TBC1D5: variants seen among roughly 807,000 people sequenced by gnomAD.
TBC1D5 encodes the protein TBC1 domain family, member 5.
TBC1D5 carries 75 observed loss-of-function variants against 100.3 expected under a neutral mutation model. That is an observed-to-expected ratio of 0.75 (90% CI 0.62 to 0.91). The LOEUF (loss-of-function observed/expected upper bound fraction) is 0.91. Ranked by LOEUF, TBC1D5 falls within the 40% of genes least tolerant of loss-of-function variation. TBC1D5 has a pLI of 0.00. For synonymous variants in TBC1D5, 323 were observed against 325.6 expected (o/e 0.99, Z 0.09); for missense variants, 910 against 942.4 (o/e 0.97, Z 0.45).
chr3:17,318,767 G>T (rs1399697861), intron 13 of TBC1D5, among the ~76,000 whole-genome samples: 2 of 152,170 alleles, frequency 1.3e-5, no homozygotes, highest in Non-Finnish European at 2.9e-5. Flanking sequence ...TTAACATGGA[G>T]AATCACAGGA....
intron 16 of TBC1D5, among the ~76,000 whole-genome samples, chr3:17,255,128 G>A (rs1316716965): frequency 2.0e-5 from 3 of 152,176 alleles, no homozygotes; most frequent in African/African-American, 4.8e-5. Flanking sequence ...GTGTGGGGTT[G>A]GGGCTGTTCC....
chr3:17,541,162 A>G (rs1435731340), intron 2 of TBC1D5, among the ~76,000 whole-genome samples: 9 of 150,822 alleles, frequency 6.0e-5, no homozygotes, highest in Non-Finnish European at 1.2e-4. Flanking sequence ...TTCAGTTTCC[A>G]TATGAATTTA....
intron 1 of TBC1D5, among the ~76,000 whole-genome samples, chr3:17,738,409 T>C (rs2077137913): frequency 6.6e-6 from 1 of 151,990 alleles, no homozygotes; most frequent in African/African-American, 2.4e-5. Flanking sequence ...ACACTCTCTC[T>C]CTCTCTCTAA....
chr3:17,623,018 T>A (rs1440741748), intron 2 of TBC1D5, among the ~76,000 whole-genome samples: 2 of 152,174 alleles, frequency 1.3e-5, no homozygotes. Context: ...GGGCCCCCAA[T>A]AAAATTCTGG....
At chr3:17,606,449 A>C (rs770404738) in intron 2 of TBC1D5, among the ~76,000 whole-genome samples, 33 of 152,238 alleles carry the variant, frequency 2.2e-4, no homozygotes, top group Non-Finnish European at 4.0e-4. Context: ...CCCGTCCAAA[A>C]AAAGAAAGTA....
chr3:17,446,037 A>G (rs2094785426), intron 3 of TBC1D5, among the ~76,000 whole-genome samples: 1 of 152,192 alleles, frequency 6.6e-6, no homozygotes, highest in East Asian at 1.9e-4. Flanking sequence ...TTTGGGTCTT[A>G]GTCATTGCTT....
At chr3:17,529,175 A>C (rs2096181845) in intron 2 of TBC1D5, among the ~76,000 whole-genome samples, 1 of 151,134 alleles carries the variant, frequency 6.6e-6, no homozygotes, top group Non-Finnish European at 1.5e-5. Flanking sequence ...AAGAGAATCT[A>C]CAAGCCCCTG....
chr3:17,401,862 C>G (rs2093659693), intron 8 of TBC1D5, among the ~76,000 whole-genome samples: 1 of 152,122 alleles, frequency 6.6e-6, no homozygotes, highest in Non-Finnish European at 1.5e-5. Flanking sequence ...TATATACTTA[C>G]TGAGGCAACT....
chr3:17,681,447 T>C (rs1416938369), intron 1 of TBC1D5, among the ~76,000 whole-genome samples: 2 of 151,702 alleles, frequency 1.3e-5, no homozygotes, highest in Non-Finnish European at 2.9e-5. Flanking sequence ...CCATGTCAGA[T>C]AAATACATAT....
At chr3:17,388,780 T>C (rs890274719) in intron 8 of TBC1D5, among the ~76,000 whole-genome samples, 2 of 151,952 alleles carry the variant, frequency 1.3e-5, no homozygotes, top group Non-Finnish European at 2.9e-5. Flanking sequence ...GGAGGATCAC[T>C]TGAGCCTCGG....
chr3:17,721,276 GCTGTTATC>G (rs968807118), intron 1 of TBC1D5, among the ~76,000 whole-genome samples: 2 of 152,146 alleles, frequency 1.3e-5, no homozygotes, highest in Admixed American at 6.5e-5. Flanking sequence ...TTCTCTGATG[GCTGTTATC>G]CTAAATTATT....
chr3:17,553,637 T>C (rs2096491842), intron 2 of TBC1D5, among the ~76,000 whole-genome samples: 1 of 152,186 alleles, frequency 6.6e-6, no homozygotes, highest in Admixed American at 6.5e-5. Flanking sequence ...TAAAGCTATT[T>C]ATGGTCTTTA....
At chr3:17,202,293 CAA>C (rs1473355928) in intron 18 of TBC1D5, among the ~76,000 whole-genome samples, 2 of 152,156 alleles carry the variant, frequency 1.3e-5, no homozygotes, top group African/African-American at 4.8e-5. Flanking sequence ...TTCTAAGAAG[CAA>C]AGTGTTCAAA....
At chr3:17,477,221 G>A (rs2095448146) in intron 3 of TBC1D5, among the ~76,000 whole-genome samples, 1 of 151,822 alleles carries the variant, frequency 6.6e-6, no homozygotes, top group Admixed American at 6.6e-5. Flanking sequence ...TACTAACCTT[G>A]CATTCCCAGG....
intron 13 of TBC1D5, among the ~76,000 whole-genome samples, chr3:17,328,671 A>G (rs2086495373): frequency 6.6e-6 from 1 of 152,190 alleles, no homozygotes. Flanking sequence ...TTCCTTTGAC[A>G]TGAGATGAAG....
chr3:17,448,210 C>T (rs966985442), intron 3 of TBC1D5, among the ~76,000 whole-genome samples: 1 of 152,280 alleles, frequency 6.6e-6, no homozygotes, highest in African/African-American at 2.4e-5. Context: ...CTTCAGTGCC[C>T]GCTTCTAATT....
intron 19 of TBC1D5, among the ~76,000 whole-genome samples, chr3:17,171,370 G>A (rs2067156199): frequency 6.6e-6 from 1 of 152,172 alleles, no homozygotes; most frequent in African/African-American, 2.4e-5. Flanking sequence ...TTCTAGAGCT[G>A]CTGTAACAGA....
intron 1 of TBC1D5, among the ~76,000 whole-genome samples, chr3:17,638,551 A>T (rs1311957182): frequency 6.6e-6 from 1 of 152,146 alleles, no homozygotes; most frequent in East Asian, 1.9e-4. Context: ...ACTAATTCAG[A>T]CTGTCTCAGC....
At chr3:17,715,929 G>A (rs535832217) in intron 1 of TBC1D5, among the ~76,000 whole-genome samples, 6 of 152,126 alleles carry the variant, frequency 3.9e-5, no homozygotes, top group Non-Finnish European at 8.8e-5. Flanking sequence ...GCACATGCCT[G>A]TAGTCCCAGT....
Sources: allele counts gnomAD v4.1 joint callset (sites outside exome capture counted in the v4.1 genomes callset), GRCh38; gene constraint gnomAD v4.1.1; transcripts MANE v1.5; gene names NCBI Gene and HGNC (gene_info 2026-07-23, HGNC 2026-07-21).